Variants in ARFGEF3 observed in about 807,000 individuals in gnomAD.
ARFGEF3 encodes brefeldin A-inhibited guanine nucleotide-exchange protein 3.
In ARFGEF3, 96 loss-of-function variants were observed where a neutral mutation model predicts 221.7. That is an observed-to-expected ratio of 0.43 (90% CI 0.37 to 0.51). The LOEUF (loss-of-function observed/expected upper bound fraction) is 0.51, where lower values mean the gene tolerates loss of function less well. ARFGEF3 is among the 20% of genes least tolerant of loss of function. ARFGEF3 has a pLI of 0.00. For synonymous variants in ARFGEF3, 1,145 were observed against 1,126.8 expected (o/e 1.02, Z -0.32); for missense variants, 2,410 against 2,789.9 (o/e 0.86, Z 3.07).
Position 138,289,980 on chromosome 6 carries a change from G to C in ARFGEF3, c.3047+12G>C. 8.1e-6 allele frequency: 13 copies of C among 1,601,412 alleles called. No individual in the cohort carries two copies. The highest frequency in any genetic ancestry group is 1.1e-5 in the Non-Finnish European group (13 of 1,173,058). On this transcript the variant is annotated intron_variant, in intron 18 of 33. Transcript: ENST00000251691. ...CCACACGTGTTCAGGTGCATGACGG[G>C]CTCCCACCCCCAGATGGCACTAACC...
Position 138,263,405 on chromosome 6 carries a change from A to G in ARFGEF3, c.1922A>G (p.Glu641Gly), listed in dbSNP as rs1778828408. 12 of 1,613,994 alleles carry G rather than the reference A, an allele frequency of 7.4e-6. No homozygotes were observed. Among genetic ancestry groups the G allele is most frequent in the Non-Finnish European group, 9.3e-6 (11 of 1,179,890 alleles). ...GACAACTGTTCACTAGCCGATGAAG[A>G]GCAGACACCCCGGGACTGCCTAGGC... The part of the protein sequence containing the change: ...GSDNCSLADE[E>G]QTPRDCLGHR... The change falls in exon 12 of 34, where the codon GAG (glutamate) becomes GGG (glycine). Residue 641 changes from glutamate to glycine, a missense_variant. By Grantham distance (98) the Glu-to-Gly change is moderately conservative (BLOSUM62 -2). This residue lies in a region of ARFGEF3 where 594 missense variants were observed against 734.3 expected (regional missense o/e 0.81). Transcript: ENST00000251691.
chr6:138,289,774 C>T (rs1261806514), intron 17 of ARFGEF3, 44 bp from the exon 18 acceptor site: 15 of 1,581,500 alleles, frequency 9.5e-6, no homozygotes, highest in African/African-American at 1.3e-5. Flanking sequence ...CTTTCTGTCT[C>T]CCTTACTCAA....
intron 10 of ARFGEF3, among the ~76,000 whole-genome samples, chr6:138,259,362 G>A (rs994178053): frequency 6.6e-6 from 1 of 152,164 alleles, no homozygotes; most frequent in South Asian, 2.1e-4. Flanking sequence ...GTTTTTCAAA[G>A]CACAGCCCCT....
intron 28 of ARFGEF3, among the ~76,000 whole-genome samples, chr6:138,320,746 T>C (rs1780008583): frequency 6.6e-6 from 1 of 152,186 alleles, no homozygotes; most frequent in South Asian, 2.1e-4. Context: ...TTTTTCCACA[T>C]GTAGGTGGTA....
rs1244761942 is a variant in ARFGEF3 at position 138,321,138 on chromosome 6, C to T, written c.4679C>T (p.Thr1560Ile). 2 of 1,561,072 alleles carry T rather than the reference C, an allele frequency of 1.3e-6. No individual in the cohort carries two copies. Among genetic ancestry groups the T allele is most frequent in the Non-Finnish European group, 1.7e-6 (2 of 1,150,636 alleles). ...ATCAGGTACGAGAGCATGATCAATA[C>T]CATGCTGAAGGACCTCTTTGAGTTG... ...SDIRYESMINTMLKDLFELLV... is the reference protein window; with the variant it reads ...SDIRYESMINIMLKDLFELLV... Residue 1560 changes from threonine (T) to isoleucine (I), a missense_variant, in exon 29 of 34, where the codon ACC (threonine) becomes ATC (isoleucine). Thr to Ile is a moderately conservative substitution (Grantham distance 89). This residue lies in a region of ARFGEF3 where 723 missense variants were observed against 991.9 expected (regional missense o/e 0.73). Coordinates refer to ENST00000251691, the MANE Select transcript of ARFGEF3 (RefSeq NM_020340.5).
intron 4 of ARFGEF3, among the ~76,000 whole-genome samples, chr6:138,225,669 G>A (rs111935454): frequency 0.011 from 1,625 of 152,252 alleles, 25 homozygotes; most frequent in African/African-American, 0.036. Flanking sequence ...CTAAAAGGGA[G>A]GACAGAAGGA....
chr6:138,319,432 G>A (rs554522963), intron 27 of ARFGEF3, among the ~76,000 whole-genome samples: 10 of 152,128 alleles, frequency 6.6e-5, no homozygotes, highest in Middle Eastern at 6.8e-3. Flanking sequence ...TTAGGTCCTA[G>A]GAGTTGAGCA....
At chr6:138,281,513 C>A (rs955771478) in intron 14 of ARFGEF3, among the ~76,000 whole-genome samples, 3 of 152,158 alleles carry the variant, frequency 2.0e-5, no homozygotes, top group Non-Finnish European at 4.4e-5. Context: ...ACCGTCTGGA[C>A]GTCCATGAGT....
intron 2 of ARFGEF3, among the ~76,000 whole-genome samples, chr6:138,194,989 A>ATTTTTTTTTTTTTTTTTT (rs747099029): frequency 3.6e-5 from 3 of 84,116 alleles, no homozygotes; most frequent in Non-Finnish European, 6.4e-5. Flanking sequence ...CTTTTCCCTA[A>ATTTTTTTTTTTTTTTTTT]TTTTTTTTTT....
At chr6:138,252,611 T>A (rs1340401197) in intron 8 of ARFGEF3, among the ~76,000 whole-genome samples, 4 of 152,198 alleles carry the variant, frequency 2.6e-5, no homozygotes, top group Non-Finnish European at 5.9e-5. Flanking sequence ...GCCTTTCTGT[T>A]CCTTCCACCC....
chr6:138,274,827 G>T (rs1259307620), intron 12 of ARFGEF3, among the ~76,000 whole-genome samples: 5 of 142,026 alleles, frequency 3.5e-5, no homozygotes, highest in African/African-American at 1.3e-4. Context: ...CCTCAGCCTT[G>T]CCAGGCATGG....
At position 138,317,138 on chromosome 6, in the gene ARFGEF3, G is replaced by A. The variant is rs1366684865; in HGVS notation, c.4346-113G>A. ...CTGAAGGCTAACAACACTGGGTGAT[G>A]GCTCACGTCTGTATAGCACTTGGCA... On this transcript the variant is annotated intron_variant, in intron 26 of 33. Coordinates refer to ENST00000251691, the MANE Select transcript of ARFGEF3 (RefSeq NM_020340.5). 3 of 1,075,996 alleles carry A rather than the reference G, an allele frequency of 2.8e-6. No homozygotes were observed. In the East Asian group the frequency reaches 7.5e-5, roughly 27 times the overall value. The allele number at this position is 1,075,996 out of a possible 1,614,324, so 66.7% of individuals were successfully genotyped here. A position where few individuals can be genotyped will look rare whatever the true frequency, so the allele number is the denominator to read the frequency against.
intron 2 of ARFGEF3, among the ~76,000 whole-genome samples, chr6:138,174,017 A>G (rs530626539): frequency 8.6e-4 from 131 of 152,328 alleles, no homozygotes; most frequent in Non-Finnish European, 1.3e-3. Flanking sequence ...GAATTGAACC[A>G]TATGAATGAG....
intron 6 of ARFGEF3, among the ~76,000 whole-genome samples, 179 bp downstream of exon 6, chr6:138,238,810 T>A (rs779636756): frequency 6.6e-6 from 1 of 152,204 alleles, no homozygotes; most frequent in Non-Finnish European, 1.5e-5. Context: ...TATTTCACCC[T>A]AAAGCTTTGA....
chr6:138,183,783 G>T (rs1010887690), intron 2 of ARFGEF3, among the ~76,000 whole-genome samples: 2 of 152,192 alleles, frequency 1.3e-5, no homozygotes, highest in Admixed American at 6.5e-5. Context: ...TTGCCTGTCA[G>T]TTTCCGTAAA....
chr6:138,313,744 T>C, intron 25 of ARFGEF3, 51 bp from the exon 26 acceptor site: 1 of 1,479,406 alleles, frequency 6.8e-7, no homozygotes. Context: ...AAACCCACAA[T>C]GCAGCTTTTT....
intron 1 of ARFGEF3, among the ~76,000 whole-genome samples, chr6:138,169,586 G>C (rs1197286345): frequency 6.6e-6 from 1 of 152,196 alleles, no homozygotes; most frequent in African/African-American, 2.4e-5. Flanking sequence ...GCACTGGCCT[G>C]TGTGGCCTTT....
intron 2 of ARFGEF3, among the ~76,000 whole-genome samples, chr6:138,176,032 C>G (rs540267461): frequency 1.3e-5 from 2 of 152,006 alleles, no homozygotes; most frequent in Non-Finnish European, 2.9e-5. Context: ...GATTTAAAGT[C>G]TGTTTTATCT....
intron 2 of ARFGEF3, among the ~76,000 whole-genome samples, chr6:138,175,653 G>A (rs749581143): frequency 1.1e-4 from 16 of 152,170 alleles, no homozygotes; most frequent in Non-Finnish European, 2.1e-4. Context: ...GCTATCCACT[G>A]GTTTTTCAAC....
Sources: allele counts gnomAD v4.1 joint callset (sites outside exome capture counted in the v4.1 genomes callset), GRCh38; gene constraint gnomAD v4.1.1; regional missense constraint gnomAD v4.1.1; transcripts MANE v1.5; gene names NCBI Gene and HGNC (gene_info 2026-07-23, HGNC 2026-07-21).